Variants in ABCC10 observed in about 807,000 individuals in gnomAD.
ABCC10 encodes the protein ATP-binding cassette sub-family C member 10.
ABCC10 carries 110 observed loss-of-function variants against 143.2 expected under a neutral mutation model. The observed-to-expected ratio is 0.77, with a 90% CI of 0.66 to 0.90. The LOEUF is 0.90. ABCC10 is among the 40% of genes least tolerant of loss of function. ABCC10 has a pLI of 0.00. For synonymous variants in ABCC10, 805 were observed against 846.7 expected (o/e 0.95, Z 0.85); for missense variants, 1,700 against 1,900.5 (o/e 0.89, Z 1.96).
At chr6:43,441,176 G>A (rs1167265757) in intron 8 of ABCC10, among the ~76,000 whole-genome samples, 3 of 152,106 alleles carry the variant, frequency 2.0e-5, no homozygotes, top group Non-Finnish European at 4.4e-5. Context: ...TACCTTGCCT[G>A]TTAAAAAGAC....
chr6:43,451,009 G>A (rs752893762), downstream of ABCC10: 25 of 1,613,986 alleles, frequency 1.5e-5, no homozygotes, highest in Non-Finnish European at 2.0e-5. The surrounding 1 kb of genome is among the most constrained non-coding windows in gnomAD (Gnocchi z 4.4). Context: ...ACACGGTCCC[G>A]ACAGCGGGCC....
intron 14 of ABCC10, 133 bp downstream of exon 14, chr6:43,445,447 T>C: frequency 2.2e-6 from 3 of 1,345,874 alleles, no homozygotes; most frequent in Non-Finnish European, 3.0e-6. Context: ...CCTCTGCCAA[T>C]CTCTCTTCTC....
chr6:43,432,503 C>G lies in ABCC10; in HGVS notation c.523C>G (p.Leu175Val), dbSNP rs755902038. The change falls in exon 3 of 22, where the codon CTC (leucine) becomes GTC (valine). Residue 175 changes from leucine to valine, a missense_variant. By Grantham distance (32) the Leu-to-Val change is conservative. Coordinates refer to ENST00000372530, the MANE Select transcript of ABCC10 (RefSeq NM_001198934.2). ...AGGGCCCATGGCCCGCCTATGCTTGCTCATCCTGCAGCTGGCTGCACTCTT... is the reference window on the plus strand; with the variant it reads ...AGGGCCCATGGCCCGCCTATGCTTGGTCATCCTGCAGCTGGCTGCACTCTT... Reference protein sequence around the residue: ...LPGPMARLCLLILQLAALLAY... With the variant: ...LPGPMARLCLVILQLAALLAY... 4.3e-5 allele frequency: 70 copies of G among 1,612,090 alleles called. No homozygotes were observed. The highest frequency in any genetic ancestry group is 6.6e-5 in the South Asian group (6 of 91,094).
Position 43,442,998 on chromosome 6 carries a change from C to A in ABCC10, c.2255C>A (p.Pro752His). ...AAGGAGCTCTATCTCCTCGATGACC[C>A]TCTGGCCGCTGTGGATGCAGATGTG... ...QEKELYLLDD[P>H]LAAVDADVAN... The change falls in exon 10 of 22, where the codon CCT (proline) becomes CAT (histidine). Residue 752 changes from proline to histidine, a missense_variant. Coordinates refer to ENST00000372530, the MANE Select transcript of ABCC10 (RefSeq NM_001198934.2). 1 of 1,606,352 alleles carries A rather than the reference C, an allele frequency of 6.2e-7. No homozygotes were observed. The highest frequency in any genetic ancestry group is 8.5e-7 in the Non-Finnish European group (1 of 1,176,598).
At chr6:43,448,062 G>A in intron 18 of ABCC10, 125 bp downstream of exon 18, 1 of 1,453,706 alleles carries the variant, frequency 6.9e-7, no homozygotes, top group Non-Finnish European at 9.4e-7. Flanking sequence ...GGCTGAAATG[G>A]AGGACAGGAT....
At chr6:43,444,376 C>A in intron 12 of ABCC10, 23 bp downstream of exon 12, 1 of 1,578,970 alleles carries the variant, frequency 6.3e-7, no homozygotes, top group Non-Finnish European at 8.6e-7. Context: ...CTGGGAGTCT[C>A]TTACATCGTA....
chr6:43,445,229 C>T lies in ABCC10; in HGVS notation c.2945C>T (p.Thr982Ile), dbSNP rs766164015. Reference protein sequence around the residue: ...ATIAGVNSLCTLLRAVLFAAG... With the variant: ...ATIAGVNSLCILLRAVLFAAG... Reference sequence around the variant, plus strand: ...ATTGCTGGTGTAAATTCCCTCTGCACCCTTCTCCGGGCAGTGCTCTTTGCA... The same window carrying T: ...ATTGCTGGTGTAAATTCCCTCTGCATCCTTCTCCGGGCAGTGCTCTTTGCA... The change falls in exon 14 of 22, where the codon ACC (threonine) becomes ATC (isoleucine). Residue 982 changes from threonine (T) to isoleucine (I), a missense_variant. Transcript: ENST00000372530. 3 of 1,614,106 alleles carry T rather than the reference C, an allele frequency of 1.9e-6. No homozygotes were observed. The highest frequency in any genetic ancestry group is 2.2e-5 in the South Asian group (2 of 91,084).
At chr6:43,442,334 G>GA (rs368947829) in intron 9 of ABCC10, among the ~76,000 whole-genome samples, 64 of 152,240 alleles carry the variant, frequency 4.2e-4, no homozygotes, top group African/African-American at 1.3e-3. Context: ...TTGAGAGGCC[G>GA]AGGAGGGTGG....
chr6:43,430,838 TCA>T (rs1176424784), intron 2 of ABCC10: 3 of 151,322 alleles, frequency 2.0e-5, no homozygotes, highest in African/African-American at 7.3e-5. Flanking sequence ...TTCTCGTGCC[TCA>T]GTGTCCCAAA....
Position 43,445,836 on chromosome 6 carries a change from C to G in ABCC10, c.3268C>G (p.Arg1090Gly), listed in dbSNP as rs187313814. Residue 1090 changes from arginine (R) to glycine (G), a missense_variant, in exon 15 of 22, where the codon CGG (arginine) becomes GGG (glycine). Arg to Gly is a moderately radical substitution (Grantham distance 125). Transcript: ENST00000372530. ...GCAGCGCCACTACAGGGCCTCCTCA[C>G]GGGAGCTGCGGCGCCTGGGCAGCCT... ...HVQRHYRASS[R>G]ELRRLGSLTL... The G allele has an allele frequency of 1.2e-6, 2 of 1,614,110 alleles. No individual in the cohort carries two copies. Among genetic ancestry groups the G allele is most frequent in the Non-Finnish European group, 1.7e-6 (2 of 1,180,034 alleles).
intron 12 of ABCC10, 114 bp downstream of exon 12, chr6:43,444,467 G>A (rs1562195033): frequency 7.7e-7 from 1 of 1,305,392 alleles, no homozygotes; most frequent in Non-Finnish European, 1.0e-6. Context: ...GGTCACAGCT[G>A]GGACAAAAGC....
intron 2 of ABCC10, among the ~76,000 whole-genome samples, chr6:43,429,146 G>A (rs555299097): frequency 5.3e-4 from 81 of 152,216 alleles, no homozygotes; most frequent in African/African-American, 1.8e-3. Context: ...AGACAGGAAA[G>A]GGCCTCAGAA....
intron 12 of ABCC10, among the ~76,000 whole-genome samples, 165 bp downstream of exon 12, chr6:43,444,518 T>C (rs1012052076): frequency 4.6e-5 from 7 of 152,212 alleles, no homozygotes; most frequent in Non-Finnish European, 8.8e-5. Flanking sequence ...GCCAGAGGCA[T>C]GTGCTCTATA....
rs748740963 is a variant in ABCC10, at chr6:43,432,151, T to TTACATC, written c.172_177dup (p.Tyr58_Ile59dup). ...TCCCCCTTGTCCCCAGGAGTCCAGA[T>TTACATC]TACATCCTACCCTGCAGTCCTGGAT... On this transcript the variant is annotated inframe_insertion, in exon 3 of 22. Coordinates refer to ENST00000372530, the MANE Select transcript of ABCC10 (RefSeq NM_001198934.2). 11 of 1,614,122 alleles carry TTACATC rather than the reference T, an allele frequency of 6.8e-6. No homozygotes were observed. In the South Asian group the frequency reaches 1.1e-4, roughly 16 times the overall value.
Position 43,447,347 on chromosome 6 carries a change from T to C in ABCC10, c.3644T>C (p.Val1215Ala). 6.2e-7 allele frequency: 1 copy of C among 1,613,370 alleles called. No homozygotes were observed. The highest frequency in any genetic ancestry group is 8.5e-7 in the Non-Finnish European group (1 of 1,180,000). ...FTQTEAMLVS[V>A]ERLEEYTCDL... ...CAGACAGAGGCCATGCTGGTGAGCG[T>C]CGAGCGGCTGGAAGAGTACACCTGT... Residue 1215 changes from valine to alanine, a missense_variant, in exon 17 of 22, where the codon GTC (valine) becomes GCC (alanine). By Grantham distance (64) the Val-to-Ala change is moderately conservative. Transcript: ENST00000372530.
At chr6:43,436,989 A>G (rs999054138) in intron 6 of ABCC10, among the ~76,000 whole-genome samples, 1 of 152,218 alleles carries the variant, frequency 6.6e-6, no homozygotes, top group African/African-American at 2.4e-5. Flanking sequence ...AGCTAGCTTA[A>G]GCAAACAAGA....
At chr6:43,436,085 C>T in intron 5 of ABCC10, 53 bp from the exon 6 acceptor site, 1 of 1,613,302 alleles carries the variant, frequency 6.2e-7, no homozygotes, top group Middle Eastern at 1.7e-4. Context: ...TTTACCCTCC[C>T]CAAACAGATT....
At chr6:43,434,313 G>GTGACCTGGCTCCACC (rs1781456506) in intron 3 of ABCC10, among the ~76,000 whole-genome samples, 1 of 152,250 alleles carries the variant, frequency 6.6e-6, no homozygotes, top group Non-Finnish European at 1.5e-5. Flanking sequence ...CTCCACTGTG[G>GTGACCTGGCTCCACC]TGACCTGGCT....
chr6:43,446,461 C>A lies in ABCC10; in HGVS notation c.3544+15C>A. 3 of 1,605,154 alleles carry A rather than the reference C, an allele frequency of 1.9e-6. No individual in the cohort carries two copies. The highest frequency in any genetic ancestry group is 2.6e-6 in the Non-Finnish European group (3 of 1,176,192). ...CGCTAACCCAGGTGCCACCCAGGAC[C>A]CCTCACCCCTACCTCATCCACAAGT... is the stretch of plus-strand genomic sequence containing the variant. On this transcript the variant is annotated intron_variant, in intron 16 of 21. Coordinates refer to ENST00000372530, the MANE Select transcript of ABCC10 (RefSeq NM_001198934.2).
Sources: gnomAD v4.1 joint callset for allele counts (sites outside exome capture counted in the v4.1 genomes callset) on GRCh38, gnomAD v4.1.1 for gene constraint, Gnocchi (gnomAD v3.1) non-coding constraint, MANE v1.5 for transcripts, NCBI Gene and HGNC (gene_info 2026-07-23, HGNC 2026-07-21) for gene names.